Variants in SYTL5 observed in about 807,000 individuals in gnomAD.
SYTL5 encodes the protein synaptotagmin-like protein 5.
SYTL5 carries 34 observed loss-of-function variants against 55.9 expected under a neutral mutation model. That is an observed-to-expected ratio of 0.61 (90% confidence interval 0.46 to 0.81). The LOEUF (loss-of-function observed/expected upper bound fraction) is 0.81. Among genes scored for constraint, SYTL5 ranks in the 30% least tolerant of loss-of-function variants. The pLI, the probability that SYTL5 is intolerant of heterozygous loss-of-function variation, is 0.00. For synonymous variants in SYTL5, 221 were observed against 188.7 expected, an observed-to-expected ratio of 1.17 and a Z score of -1.40; for missense variants, 637 against 546.7, an observed-to-expected ratio of 1.17 and a Z score of -1.65.
chrX:38,081,530 C>CT (rs1331516114), intron 6 of SYTL5, among the ~76,000 whole-genome samples: 5 of 111,683 alleles, frequency 4.5e-5, no homozygotes, highest in Non-Finnish European at 3.8e-5. Flanking sequence ...ATTTGGGCTC[C>CT]TTTGGAAGAC....
intron 1 of SYTL5, among the ~76,000 whole-genome samples, chrX:38,012,393 A>G (rs1234457939): frequency 8.9e-6 from 1 of 112,390 alleles, no homozygotes. Context: ...AACATTGATA[A>G]TGTTTACTAA....
upstream of SYTL5, among the ~76,000 whole-genome samples, chrX:38,004,758 A>G (rs5964277): frequency 0.085 from 9,425 of 110,982 alleles, 832 homozygotes; most frequent in African/African-American, 0.26. Flanking sequence ...GAGTAGAAAT[A>G]TGGTTACCAG....
chrX:38,064,073 G>C (rs767598931), intron 3 of SYTL5, among the ~76,000 whole-genome samples: 290 of 110,550 alleles, frequency 2.6e-3, no homozygotes, highest in Middle Eastern at 4.6e-3. Context: ...ATATATGTGT[G>C]TGTGTGTGTG....
the SYTL5 span, among the ~76,000 whole-genome samples, chrX:37,914,378 C>T: frequency 9.0e-6 from 1 of 111,649 alleles, no homozygotes; most frequent in East Asian, 2.8e-4. Flanking sequence ...ATTATTATTT[C>T]AACAGAGTAA....
Position 38,120,668 on chromosome X carries a change from G to T in SYTL5, c.1705+202G>T, listed in dbSNP as rs77695138. Among the ~76,000 whole-genome samples the T allele has an allele frequency of 2.7e-5, 3 of 110,956 alleles. No homozygotes were observed. In the East Asian group the frequency reaches 8.5e-4, roughly 31 times the overall value. Reference sequence around the variant, plus strand: ...TGCAGGACTCTTACAAGGAATCCTTGTAAGATTCATACTTAGAAACCAGCC... The same window carrying T: ...TGCAGGACTCTTACAAGGAATCCTTTTAAGATTCATACTTAGAAACCAGCC... On this transcript the variant is annotated intron_variant, in intron 14 of 16. Transcript: ENST00000297875.
At chrX:38,056,609 T>G (rs1459059789) in intron 3 of SYTL5, among the ~76,000 whole-genome samples, 2 of 112,043 alleles carry the variant, frequency 1.8e-5, no homozygotes, top group African/African-American at 3.2e-5. Context: ...TTCCTCCACA[T>G]TCTCACCAGC....
chrX:38,079,994 A>T (rs1936487417), intron 6 of SYTL5, among the ~76,000 whole-genome samples: 1 of 111,831 alleles, frequency 8.9e-6, no homozygotes, highest in African/African-American at 3.2e-5. Context: ...CTTAAAATTA[A>T]TTTTTTTATC....
chrX:38,041,443 G>A (rs1488702518), intron 2 of SYTL5, among the ~76,000 whole-genome samples: 1 of 111,932 alleles, frequency 8.9e-6, no homozygotes, highest in Non-Finnish European at 1.9e-5. Context: ...TGTTGGACTG[G>A]ACTTCTAGTT....
intron 1 of SYTL5, among the ~76,000 whole-genome samples, chrX:38,031,293 A>C (rs1039039288): frequency 2.7e-5 from 3 of 111,859 alleles, no homozygotes; most frequent in Non-Finnish European, 3.8e-5. Flanking sequence ...GGTACAGATG[A>C]ATAAAAATTC....
intron 1 of SYTL5, among the ~76,000 whole-genome samples, chrX:38,013,821 C>T (rs949892490): frequency 1.8e-5 from 2 of 110,248 alleles, no homozygotes; most frequent in Admixed American, 9.7e-5. Context: ...CTTAAGGGGA[C>T]CCTGCATTCT....
chrX:37,946,928 T>G, the SYTL5 span, among the ~76,000 whole-genome samples: 1,466 of 111,435 alleles, frequency 0.013, 23 homozygotes, highest in African/African-American at 0.045. Context: ...TAGTGGAGAC[T>G]TTTTCTACTT....
chrX:37,987,702 A>G, the SYTL5 span, among the ~76,000 whole-genome samples: 4 of 111,842 alleles, frequency 3.6e-5, no homozygotes, highest in Non-Finnish European at 5.6e-5. Flanking sequence ...AGCTCATACC[A>G]TTTAAGTAGA....
In SYTL5 at chrX:38,089,570, A is replaced by G; in HGVS notation, c.814A>G (p.Thr272Ala). Residue 272 changes from threonine (T) to alanine (A), a missense_variant, in exon 7 of 17, where the codon ACC (threonine) becomes GCC (alanine). Coordinates refer to ENST00000297875, the MANE Select transcript of SYTL5 (RefSeq NM_138780.3). The part of the protein sequence containing the change: ...SSPAPSTRTV[T>A]SVISREYGFE... ...ACCAGCCCCAAGCACACGAACTGTG[A>G]CCTCAGTCATCAGTAGAGTAAGTAC... The G allele has an allele frequency of 8.3e-7, 1 of 1,209,894 alleles. No homozygotes were observed. Among genetic ancestry groups the G allele is most frequent in the Non-Finnish European group, 1.1e-6 (1 of 894,773 alleles).
intron 2 of SYTL5, among the ~76,000 whole-genome samples, chrX:38,048,935 T>G (rs1195011782): frequency 3.6e-5 from 4 of 112,061 alleles, no homozygotes; most frequent in African/African-American, 9.7e-5. Context: ...AAGCATAATT[T>G]TTTTTATATT....
At chrX:37,907,336 C>T in the SYTL5 span, among the ~76,000 whole-genome samples, 5 of 111,863 alleles carry the variant, frequency 4.5e-5, no homozygotes, top group Non-Finnish European at 9.4e-5. Flanking sequence ...CTTGAATTGT[C>T]ATTTGTTTTA....
the SYTL5 span, among the ~76,000 whole-genome samples, chrX:37,965,175 C>T: frequency 1.8e-5 from 2 of 111,391 alleles, no homozygotes; most frequent in African/African-American, 3.2e-5. Context: ...AGAAACCTTT[C>T]ATCATTTTTA....
At chrX:38,027,708 T>C (rs1270636648) in intron 1 of SYTL5, among the ~76,000 whole-genome samples, 1 of 112,207 alleles carries the variant, frequency 8.9e-6, no homozygotes, top group Admixed American at 9.4e-5. Context: ...CATAGGCTTT[T>C]TAAATTGGCT....
chrX:37,998,449 G>A, the SYTL5 span, among the ~76,000 whole-genome samples: 2 of 112,062 alleles, frequency 1.8e-5, no homozygotes, highest in African/African-American at 6.5e-5. Context: ...GCCAGCTGTG[G>A]AAGCTGCTTG....
chrX:37,914,698 CTT>C, the SYTL5 span, among the ~76,000 whole-genome samples: 1 of 111,494 alleles, frequency 9.0e-6, no homozygotes, highest in Non-Finnish European at 1.9e-5. Flanking sequence ...CTCTTTATAA[CTT>C]ATTTAAATTG....
Sources: gnomAD v4.1 joint callset for allele counts (sites outside exome capture counted in the v4.1 genomes callset) on GRCh38, gnomAD v4.1.1 for gene constraint, MANE v1.5 for transcripts, NCBI Gene and HGNC (gene_info 2026-07-23, HGNC 2026-07-21) for gene names.